Variants in UBA2 observed in about 807,000 individuals in gnomAD.
The protein encoded by UBA2 is ubiquitin like modifier activating enzyme 2.
A neutral mutation model predicts 77.2 loss-of-function variants in UBA2; 11 were observed. That is an observed-to-expected ratio of 0.14 (90% CI 0.09 to 0.24). The LOEUF (loss-of-function observed/expected upper bound fraction) is 0.24, where lower values mean the gene tolerates loss of function less well. Among genes scored for constraint, UBA2 ranks in the 10% least tolerant of loss-of-function variants. UBA2 has a pLI of 1.00. For missense variants in UBA2, 487 were observed against 781.7 expected, an observed-to-expected ratio of 0.62 and a Z score of 4.50; for synonymous variants, 278 against 276.7, an observed-to-expected ratio of 1.00 and a Z score of -0.05.
chr19:34,431,077 C>T (rs1304324310), intron 2 of UBA2, among the ~76,000 whole-genome samples: 1 of 151,964 alleles, frequency 6.6e-6, no homozygotes, highest in African/African-American at 2.4e-5. Flanking sequence ...AACATCTTTT[C>T]CCTTTGCCTG....
chr19:34,447,180 AG>A (rs961319482), intron 8 of UBA2, among the ~76,000 whole-genome samples: 2 of 152,164 alleles, frequency 1.3e-5, no homozygotes, highest in African/African-American at 4.8e-5. Context: ...AGAAAGATGT[AG>A]GCTGGGAGGC....
At chr19:34,466,336 G>A (rs535350518) in intron 15 of UBA2, among the ~76,000 whole-genome samples, 3 of 151,870 alleles carry the variant, frequency 2.0e-5, no homozygotes, top group South Asian at 2.1e-4. Context: ...ACTCCGTCTC[G>A]AAAAAAAGAA....
At position 34,451,960 on chromosome 19, in the gene UBA2, TA is replaced by T; in HGVS notation, c.872-20del. ...TGATGTTAATTAGTGAAATTTCTAATATATATATTTTTTTCTTTAGGAGAAG... is the reference window on the plus strand; with the variant it reads ...TGATGTTAATTAGTGAAATTTCTAATTATATATTTTTTTCTTTAGGAGAAG... On this transcript the variant is annotated intron_variant, in intron 9 of 16. Transcript: ENST00000246548. 7.3e-7 allele frequency: 1 copy of T among 1,360,936 alleles called. No individual in the cohort carries two copies. The highest frequency in any genetic ancestry group is 1.0e-6 in the Non-Finnish European group (1 of 998,438). 84.3% of individuals were successfully genotyped at this position (1,360,936 alleles called of 1,614,324 possible). A position where few individuals can be genotyped will look rare whatever the true frequency, so the allele number is the denominator to read the frequency against.
intron 10 of UBA2, among the ~76,000 whole-genome samples, chr19:34,453,964 A>G (rs570141636): frequency 6.6e-6 from 1 of 152,098 alleles, no homozygotes; most frequent in Non-Finnish European, 1.5e-5. Flanking sequence ...GGTGTATACA[A>G]CTGAGTCTCC....
At chr19:34,461,683 C>G (rs1160421144) in intron 14 of UBA2, among the ~76,000 whole-genome samples, 1 of 152,114 alleles carries the variant, frequency 6.6e-6, no homozygotes, top group Non-Finnish European at 1.5e-5. Context: ...GTGTGGAGTC[C>G]TGTATGACAG....
In UBA2 at chr19:34,469,209, A is replaced by G. The variant is rs1216392330; in HGVS notation, c.1911A>G (p.Ile637Met). 2.5e-6 allele frequency: 4 copies of G among 1,587,900 alleles called. 1 individual carries two copies. The South Asian group carries it at 4.6e-5, about 18-fold the overall frequency. Residue 637 changes from isoleucine to methionine, a missense_variant, in exon 17 of 17, where the codon ATA (isoleucine) becomes ATG (methionine). Coordinates refer to ENST00000246548, the MANE Select transcript of UBA2 (RefSeq NM_005499.3). Reference protein sequence around the residue: ...IEQKEELDDVIALD With the variant: ...IEQKEELDDVMALD ...AGAAGGAAGAGCTTGATGATGTCAT[A>G]GCATTAGATTGAACAGAAATGCCTC... is the stretch of plus-strand genomic sequence containing the variant.
At chr19:34,441,800 A>G (rs1344778999) in intron 6 of UBA2, among the ~76,000 whole-genome samples, 1 of 152,010 alleles carries the variant, frequency 6.6e-6, no homozygotes, top group Non-Finnish European at 1.5e-5. Flanking sequence ...ACACGCCTGT[A>G]GTCCCACCTA....
intron 8 of UBA2, among the ~76,000 whole-genome samples, chr19:34,449,005 C>A (rs928030141): frequency 6.6e-6 from 1 of 151,926 alleles, no homozygotes; most frequent in African/African-American, 2.4e-5. Context: ...CCTTTGTACC[C>A]ATTTCACATG....
intron 5 of UBA2, among the ~76,000 whole-genome samples, chr19:34,435,322 T>G (rs1440816995): frequency 6.6e-6 from 1 of 152,142 alleles, no homozygotes. Flanking sequence ...CACTTGAACC[T>G]GAGAGGCAGA....
At chr19:34,433,879 A>G (rs1026842955) in intron 4 of UBA2, among the ~76,000 whole-genome samples, 1 of 152,146 alleles carries the variant, frequency 6.6e-6, no homozygotes, top group Non-Finnish European at 1.5e-5. Flanking sequence ...AATCGCTTGA[A>G]GCCAGGAGGC....
intron 1 of UBA2, among the ~76,000 whole-genome samples, chr19:34,429,591 C>T (rs921016521): frequency 1.3e-5 from 2 of 152,044 alleles, no homozygotes; most frequent in African/African-American, 4.8e-5. Flanking sequence ...TTAAGGGAGG[C>T]AGCAAAAATT....
chr19:34,458,707 A>G, intron 12 of UBA2, 62 bp from the exon 13 acceptor site: 3 of 1,414,854 alleles, frequency 2.1e-6, no homozygotes, highest in Non-Finnish European at 2.9e-6. Context: ...GAGATTTTAG[A>G]TTGTATGGCG....
chr19:34,442,677 C>T (rs944350411), intron 6 of UBA2, among the ~76,000 whole-genome samples: 3 of 152,170 alleles, frequency 2.0e-5, no homozygotes, highest in Admixed American at 6.5e-5. Context: ...TTGATCCACC[C>T]GCCTCGGCCT....
Position 34,429,066 on chromosome 19 carries a change from A to G in UBA2, c.138+496A>G, listed in dbSNP as rs1054676163. On this transcript the variant is annotated intron_variant, in intron 1 of 16. Coordinates refer to ENST00000246548, the MANE Select transcript of UBA2 (RefSeq NM_005499.3). ...TACACACGGAACGCGCACCATCTTC[A>G]TACCACCCGAGGAGTGCAAACGCTA... is the stretch of plus-strand genomic sequence containing the variant. The G allele has an allele frequency of 3.0e-6, 3 of 985,202 alleles. No individual in the cohort carries two copies. In the African/African-American group the frequency reaches 5.2e-5, roughly 17 times the overall value. The allele number at this position is 985,202 out of a possible 1,614,324, so 61.0% of individuals were successfully genotyped here. A position where few individuals can be genotyped will look rare whatever the true frequency, so the allele number is the denominator to read the frequency against.
chr19:34,455,859 C>T (rs1315805008), intron 12 of UBA2, among the ~76,000 whole-genome samples: 1 of 151,990 alleles, frequency 6.6e-6, no homozygotes, highest in Non-Finnish European at 1.5e-5. Context: ...TTAGGCTGGT[C>T]TCGAACTCCT....
At chr19:34,441,794 G>A (rs2075372232) in intron 6 of UBA2, among the ~76,000 whole-genome samples, 1 of 152,002 alleles carries the variant, frequency 6.6e-6, no homozygotes, top group Non-Finnish European at 1.5e-5. Flanking sequence ...GGTGGCACAC[G>A]CCTGTAGTCC....
chr19:34,440,307 CAAA>C (rs60873964), intron 6 of UBA2, among the ~76,000 whole-genome samples: 34 of 90,446 alleles, frequency 3.8e-4, no homozygotes, highest in African/African-American at 1.3e-3. Context: ...GATGATGTTT[CAAA>C]AAAAAAAAAA....
chr19:34,433,712 C>T, intron 4 of UBA2, among the ~76,000 whole-genome samples: 1 of 152,202 alleles, frequency 6.6e-6, no homozygotes, highest in South Asian at 2.1e-4. Flanking sequence ...GTAATCCCAG[C>T]ACTTTGAGAG....
intron 12 of UBA2, among the ~76,000 whole-genome samples, chr19:34,456,920 C>G (rs2075569471): frequency 6.6e-6 from 1 of 151,688 alleles, no homozygotes; most frequent in African/African-American, 2.4e-5. Context: ...TGTAGTATCC[C>G]TTTGAGCTCA....
Sources: allele counts gnomAD v4.1 joint callset (sites outside exome capture counted in the v4.1 genomes callset), GRCh38; gene constraint gnomAD v4.1.1; transcripts MANE v1.5; gene names NCBI Gene and HGNC (gene_info 2026-07-23, HGNC 2026-07-21).